The following TRPM6 variants were observed in gnomAD, a reference collection of about 807,000 sequenced individuals.
The protein encoded by TRPM6 is transient receptor potential cation channel subfamily M member 6.
TRPM6 carries 111 observed loss-of-function variants against 247.6 expected under a neutral mutation model. The observed-to-expected ratio is 0.45, with a 90% confidence interval of 0.38 to 0.52. TRPM6 has a LOEUF of 0.52. Among genes scored for constraint, TRPM6 ranks in the 20% least tolerant of loss-of-function variants. The pLI, the probability that TRPM6 is intolerant of heterozygous loss-of-function variation, is 0.00. For missense variants in TRPM6, 2,126 were observed against 2,421.5 expected (o/e 0.88, Z 2.56); for synonymous variants, 892 against 853.8 (o/e 1.04, Z -0.78).
chr9:74,855,455 A>C, intron 3 of TRPM6, 72 bp downstream of exon 3: 1 of 1,038,888 alleles, frequency 9.6e-7, no homozygotes, highest in Non-Finnish European at 1.5e-6. Flanking sequence ...TCAAGATATG[A>C]GGAAACTGTC....
chr9:74,868,146 C>CAAA (rs796635861), intron 1 of TRPM6, among the ~76,000 whole-genome samples: 3 of 85,824 alleles, frequency 3.5e-5, no homozygotes, highest in Non-Finnish European at 4.9e-5. Context: ...CGAGACTCCG[C>CAAA]AAAAAAAAAA....
intron 14 of TRPM6, among the ~76,000 whole-genome samples, chr9:74,805,939 T>C (rs889026201): frequency 1.3e-4 from 20 of 152,190 alleles, no homozygotes; most frequent in Admixed American, 4.6e-4. Context: ...TCAGAAAGCA[T>C]TGTGAATGTT....
intron 14 of TRPM6, among the ~76,000 whole-genome samples, chr9:74,806,385 C>A (rs1219902580): frequency 3.3e-5 from 5 of 152,118 alleles, no homozygotes; most frequent in African/African-American, 1.2e-4. Context: ...CTTGGCCTCC[C>A]AAAGTCTTGG....
At chr9:74,772,690 T>A (rs553806651) in intron 24 of TRPM6, among the ~76,000 whole-genome samples, 1 of 152,098 alleles carries the variant, frequency 6.6e-6, no homozygotes, top group South Asian at 2.1e-4. Flanking sequence ...TTGAAATGTA[T>A]AATCAATTAA....
At chr9:74,759,202 T>C (rs181162826) in intron 27 of TRPM6, among the ~76,000 whole-genome samples, 33 of 152,234 alleles carry the variant, frequency 2.2e-4, no homozygotes, top group Admixed American at 9.2e-4. Flanking sequence ...GACATATAGA[T>C]CTATGGCAAT....
At chr9:74,761,002 A>G (rs1029264601) in intron 27 of TRPM6, among the ~76,000 whole-genome samples, 18 of 152,114 alleles carry the variant, frequency 1.2e-4, no homozygotes, top group African/African-American at 3.9e-4. Context: ...TCCCTACCAG[A>G]TATGTTCCCT....
chr9:74,736,849 GAC>G (rs1340899486), intron 36 of TRPM6, among the ~76,000 whole-genome samples: 2 of 152,096 alleles, frequency 1.3e-5, no homozygotes, highest in African/African-American at 2.4e-5. Flanking sequence ...ATTACTAAGA[GAC>G]ATAAAAATCC....
intron 3 of TRPM6, among the ~76,000 whole-genome samples, chr9:74,846,703 C>A (rs1027872941): frequency 6.6e-6 from 1 of 152,000 alleles, no homozygotes; most frequent in African/African-American, 2.4e-5. Context: ...TGTGTCACCA[C>A]GCCTGGATAA....
rs574622815 is a variant in TRPM6 at position 74,736,172 on chromosome 9, C to T, written c.5776+2235G>A. ...TTGTCTCAATTCTTGCCCTTAACAA[C>T]TCTATGGCTTAAGTGCCTAATACTA... is the stretch of plus-strand genomic sequence containing the variant. On this transcript the variant is annotated intron_variant, in intron 36 of 38. Coordinates refer to ENST00000360774, the MANE Select transcript of TRPM6 (RefSeq NM_017662.5). Among the ~76,000 whole-genome samples, 10 of 152,160 alleles carry T rather than the reference C, an allele frequency of 6.6e-5. No individual in the cohort carries two copies. The South Asian group carries it at 1.9e-3, about 28-fold the overall frequency.
At position 74,825,458 on chromosome 9, in the gene TRPM6, CGTGTGTGT is replaced by C. The variant is rs5898381; in HGVS notation, c.841+2312_841+2319del. On this transcript the variant is annotated intron_variant, in intron 7 of 38. Coordinates refer to ENST00000360774, the MANE Select transcript of TRPM6 (RefSeq NM_017662.5). ...TTGAGGGCATGTCTTCTCTTTCTTC[CGTGTGTGT>C]GTGTGTGTGTGTGTGTGTATGTGTG... is the stretch of plus-strand genomic sequence containing the variant. 5.4e-5 allele frequency among the ~76,000 whole-genome samples: 8 copies of C among 148,684 alleles called. No homozygotes were observed. In the South Asian group the frequency reaches 1.7e-3, roughly 32 times the overall value.
chr9:74,757,463 G>A (rs999754208), intron 27 of TRPM6, among the ~76,000 whole-genome samples: 1 of 151,500 alleles, frequency 6.6e-6, no homozygotes. Context: ...CTACTCAGGA[G>A]CCTGAGGCAG....
intron 25 of TRPM6, 61 bp downstream of exon 25, chr9:74,771,642 T>C: frequency 6.5e-7 from 1 of 1,542,948 alleles, no homozygotes; most frequent in South Asian, 1.1e-5. Flanking sequence ...CACCTTTAGA[T>C]ATTCTAGCAG....
At chr9:74,729,550 C>T (rs1825450658) in intron 37 of TRPM6, among the ~76,000 whole-genome samples, 1 of 152,174 alleles carries the variant, frequency 6.6e-6, no homozygotes, top group Non-Finnish European at 1.5e-5. Context: ...ATTAACTTTC[C>T]TGGTCACTCA....
Position 74,796,793 on chromosome 9 carries a change from A to G in TRPM6, c.2339T>C (p.Met780Thr), listed in dbSNP as rs1166436206. 1.2e-6 allele frequency: 2 copies of G among 1,614,088 alleles called. No individual in the cohort carries two copies. Among genetic ancestry groups the G allele is most frequent in the Non-Finnish European group, 1.7e-6 (2 of 1,179,950 alleles). Residue 780 changes from methionine to threonine, a missense_variant, in exon 18 of 39, where the codon ATG becomes ACG. By Grantham distance (81) the Met-to-Thr change is moderately conservative. Around this residue, in one of 3 missense-constraint regions of TRPM6, gnomAD observed 1,082 missense variants for 1,307.9 expected, o/e 0.83. Coordinates refer to ENST00000360774, the MANE Select transcript of TRPM6 (RefSeq NM_017662.5). The part of the protein sequence containing the change: ...HVPQSQDFQF[M>T]WYYSDQNASS... The stretch of plus-strand genomic sequence containing the variant: ...GGCGTTCTGGTCACTGTAATACCAC[A>G]TAAATTGGAAGTCCTGGGACTGGGG...
intron 37 of TRPM6, among the ~76,000 whole-genome samples, chr9:74,730,122 T>C (rs1478353425): frequency 6.6e-6 from 1 of 152,090 alleles, no homozygotes; most frequent in African/African-American, 2.4e-5. Context: ...TTAAAAAAAA[T>C]ACAAGTAGCT....
intron 6 of TRPM6, among the ~76,000 whole-genome samples, chr9:74,832,022 A>T (rs1829564559): frequency 6.6e-6 from 1 of 152,226 alleles, no homozygotes; most frequent in East Asian, 1.9e-4. Flanking sequence ...AACGACTGCT[A>T]ACATTATAAA....
intron 14 of TRPM6, 149 bp downstream of exon 14, chr9:74,807,885 G>T: frequency 1.1e-6 from 1 of 894,482 alleles, no homozygotes; most frequent in Non-Finnish European, 1.8e-6. Flanking sequence ...ACTTAGTACA[G>T]TATACTTCAC....
At position 74,724,182 on chromosome 9, in the gene TRPM6, A is replaced by G. The variant is rs1825238218; in HGVS notation, c.*431T>C. On this transcript the variant is annotated 3_prime_UTR_variant, in exon 39 of 39. Transcript: ENST00000360774. ...CACATAACTTTTTATGAACATATATATAGACATAAATACAATCTGTGGGTG... is the reference window on the plus strand; with the variant it reads ...CACATAACTTTTTATGAACATATATGTAGACATAAATACAATCTGTGGGTG... 4.2e-6 allele frequency: 1 copy of G among 240,016 alleles called. No homozygotes were observed. The allele number at this position is 240,016 out of a possible 1,614,324, so 14.9% of individuals were successfully genotyped here.
intron 9 of TRPM6, among the ~76,000 whole-genome samples, chr9:74,818,916 G>T (rs1237095820): frequency 6.6e-6 from 1 of 151,346 alleles, no homozygotes; most frequent in Admixed American, 6.6e-5. Flanking sequence ...TATACAATTT[G>T]CTCCAGCCTT....
Sources: allele counts gnomAD v4.1 joint callset (sites outside exome capture counted in the v4.1 genomes callset), GRCh38; gene constraint gnomAD v4.1.1; regional missense constraint gnomAD v4.1.1; transcripts MANE v1.5; gene names NCBI Gene and HGNC (gene_info 2026-07-23, HGNC 2026-07-21).